ABCA8: variants seen among roughly 807,000 people sequenced by gnomAD.
ABCA8 encodes the protein ABC-type organic anion transporter ABCA8.
A neutral mutation model predicts 192.3 loss-of-function variants in ABCA8; 177 were observed. That is an observed-to-expected ratio of 0.92 (90% CI 0.81 to 1.04). ABCA8 has a LOEUF of 1.04. Among genes scored for constraint, ABCA8 ranks in the 50% least tolerant of loss-of-function variants. The pLI is 0.00. For missense variants in ABCA8, 1,915 were observed against 1,904.8 expected, an observed-to-expected ratio of 1.01 and a Z score of -0.10; for synonymous variants, 642 against 690.2, an observed-to-expected ratio of 0.93 and a Z score of 1.09.
chr17:68,941,892 G>T (rs544450940), intron 3 of ABCA8, 47 bp downstream of exon 3: 1 of 1,372,702 alleles, frequency 7.3e-7, no homozygotes, highest in South Asian at 1.2e-5. Context: ...CAGGCAACAC[G>T]TATTTTCCTA....
chr17:68,886,814 G>T (rs1278211907), intron 26 of ABCA8: 1 of 314,168 alleles, frequency 3.2e-6, no homozygotes, highest in African/African-American at 2.2e-5. Context: ...TTAGACAAAA[G>T]AAGAGAGGCT....
At chr17:68,878,182 A>T (rs1285782987) in intron 32 of ABCA8, 2 of 152,310 alleles carry the variant, frequency 1.3e-5, no homozygotes, top group South Asian at 2.1e-4. Context: ...ACAGATCAAA[A>T]GTGGTGCTGT....
chr17:68,939,744 T>C (rs919116635), intron 4 of ABCA8, among the ~76,000 whole-genome samples: 41 of 152,124 alleles, frequency 2.7e-4, no homozygotes, highest in South Asian at 6.2e-4. Context: ...CAAAAGATTC[T>C]TTTTCTTAAG....
chr17:68,927,945 A>G lies in ABCA8; in HGVS notation c.1244T>C (p.Leu415Ser). ...LAFDTCLYLA[L>S]AIYFEKILPN... ...CAAAATTTTTTCAAAGTAAATCGCC[A>G]ATGCCAGATAGAGGCAAGTGTCAAA... The change falls in exon 10 of 40, where the codon TTG (leucine) becomes TCG (serine). Residue 415 changes from leucine to serine, a missense_variant. By Grantham distance (145) the Leu-to-Ser change is moderately radical (BLOSUM62 -2). Transcript: ENST00000586539. The G allele has an allele frequency of 6.2e-7, 1 of 1,605,548 alleles. No homozygotes were observed. Among genetic ancestry groups the G allele is most frequent in the Non-Finnish European group, 8.5e-7 (1 of 1,177,302 alleles).
chr17:68,937,184 G>T (rs1253220163), intron 4 of ABCA8, 69 bp from the exon 5 acceptor site: 2 of 1,324,646 alleles, frequency 1.5e-6, no homozygotes, highest in Non-Finnish European at 2.1e-6. Context: ...ATGTCATGTT[G>T]AATTGCTTTT....
At chr17:68,909,507 C>G (rs1442191396) in intron 17 of ABCA8, among the ~76,000 whole-genome samples, 2 of 152,114 alleles carry the variant, frequency 1.3e-5, no homozygotes, top group Non-Finnish European at 2.9e-5. Flanking sequence ...GGGCAGGGAT[C>G]CTGACTAGCA....
chr17:68,880,461 C>G (rs531902082), intron 32 of ABCA8, among the ~76,000 whole-genome samples: 1 of 152,290 alleles, frequency 6.6e-6, no homozygotes, highest in South Asian at 2.1e-4. Context: ...ACATGCCCCC[C>G]ACTTGCCATG....
chr17:68,899,416 A>G (rs1190984053), intron 21 of ABCA8, among the ~76,000 whole-genome samples: 1 of 152,094 alleles, frequency 6.6e-6, no homozygotes, highest in East Asian at 1.9e-4. Context: ...GTGGAACAAT[A>G]CATCATGCAA....
At chr17:68,925,562 G>T (rs971853292) in intron 10 of ABCA8, among the ~76,000 whole-genome samples, 1 of 152,178 alleles carries the variant, frequency 6.6e-6, no homozygotes, top group South Asian at 2.1e-4. Context: ...TGAAACGGAA[G>T]AATCGTACTT....
At position 68,903,536 on chromosome 17, in the gene ABCA8, A is replaced by G. The variant is rs2066969588; in HGVS notation, c.2399-37T>C. The G allele has an allele frequency of 4.4e-6, 7 of 1,596,556 alleles. No individual in the cohort carries two copies. The Admixed American group carries it at 1.0e-4, about 23-fold the overall frequency. On this transcript the variant is annotated intron_variant, in intron 19 of 39. Coordinates refer to ENST00000586539, the MANE Select transcript of ABCA8 (RefSeq NM_001288985.2). ...AAAATAAGCAACTCATATGTACTTT[A>G]TTGAGCTTACTATAGAGATTGGCTC...
At chr17:68,938,592 T>C (rs1265702604) in intron 4 of ABCA8, among the ~76,000 whole-genome samples, 1 of 152,184 alleles carries the variant, frequency 6.6e-6, no homozygotes, top group Non-Finnish European at 1.5e-5. Flanking sequence ...TGGGATGTAA[T>C]TCACATACCA....
At chr17:68,891,348 T>C (rs1205363768) in intron 24 of ABCA8, 141 bp downstream of exon 24, 2 of 557,000 alleles carry the variant, frequency 3.6e-6, no homozygotes, top group Non-Finnish European at 6.2e-6. Context: ...TATAAAACTT[T>C]CTTTCATTTT....
At chr17:68,941,053 T>C in intron 3 of ABCA8, 91 bp from the exon 4 acceptor site, 1 of 985,644 alleles carries the variant, frequency 1.0e-6, no homozygotes. Context: ...TCTTTTTTAC[T>C]TTTCTAACTT....
intron 31 of ABCA8, 44 bp from the exon 32 acceptor site, chr17:68,881,255 A>C: frequency 3.8e-6 from 5 of 1,307,296 alleles, no homozygotes; most frequent in Non-Finnish European, 5.5e-6. Flanking sequence ...TTTAATGGTA[A>C]CATTAAGAGT....
chr17:68,889,488 G>A (rs2066573786), intron 24 of ABCA8, among the ~76,000 whole-genome samples: 1 of 152,240 alleles, frequency 6.6e-6, no homozygotes, highest in Non-Finnish European at 1.5e-5. Flanking sequence ...ATCTTTTCAA[G>A]TTCTCGCATT....
intron 17 of ABCA8, among the ~76,000 whole-genome samples, chr17:68,908,155 T>C (rs950243113): frequency 3.3e-5 from 5 of 152,174 alleles, no homozygotes; most frequent in African/African-American, 9.7e-5. Context: ...AAGTTTCATA[T>C]TGATTGAAGC....
intron 32 of ABCA8, chr17:68,880,835 A>G (rs2066319562): frequency 2.3e-6 from 1 of 426,042 alleles, no homozygotes; most frequent in African/African-American, 2.0e-5. Flanking sequence ...TGCTGAGCTG[A>G]GTGGACAGAA....
At chr17:68,868,756 G>A (rs1419662855) in intron 38 of ABCA8, among the ~76,000 whole-genome samples, 2 of 152,036 alleles carry the variant, frequency 1.3e-5, no homozygotes, top group Non-Finnish European at 1.5e-5. Context: ...GTATCTTCAC[G>A]GACCTCTATC....
intron 2 of ABCA8, among the ~76,000 whole-genome samples, chr17:68,944,359 T>TATATATATATAC (rs765731645): frequency 7.2e-5 from 5 of 69,472 alleles, no homozygotes; most frequent in Admixed American, 1.5e-4. Flanking sequence ...TATATATATA[T>TATATATATATAC]ACACATATAC....
Sources: gnomAD v4.1 joint callset for allele counts (sites outside exome capture counted in the v4.1 genomes callset) on GRCh38, gnomAD v4.1.1 for gene constraint, MANE v1.5 for transcripts, NCBI Gene and HGNC (gene_info 2026-07-23, HGNC 2026-07-21) for gene names.